The following LRRC2 variants were observed in gnomAD, a reference collection of about 807,000 sequenced individuals.
LRRC2 encodes the protein leucine rich repeat containing 2, also known as leucine-rich repeat-containing protein 2.
LRRC2 carries 27 observed loss-of-function variants against 40.2 expected under a neutral mutation model. The ratio of observed to expected loss-of-function variants is 0.67; its 90% CI spans 0.49 to 0.93. The LOEUF (loss-of-function observed/expected upper bound fraction) is 0.93, where lower values mean the gene tolerates loss of function less well. Ranked by LOEUF, LRRC2 falls within the 40% of genes least tolerant of loss-of-function variation. The pLI is 0.00. For synonymous variants in LRRC2, 147 were observed against 158.9 expected (o/e 0.92, Z 0.56); for missense variants, 402 against 439.6 (o/e 0.91, Z 0.76).
chr3:46,533,336 G>GTCTATAGCGGCTCCTGGTT (rs1704194065), intron 4 of LRRC2, among the ~76,000 whole-genome samples: 1 of 152,186 alleles, frequency 6.6e-6, no homozygotes, highest in African/African-American at 2.4e-5. Flanking sequence ...GGAGCACAGT[G>GTCTATAGCGGCTCCTGGTT]TCTATAGCGG....
intron 4 of LRRC2, among the ~76,000 whole-genome samples, chr3:46,535,215 T>C (rs902053533): frequency 1.3e-5 from 2 of 152,178 alleles, no homozygotes; most frequent in African/African-American, 4.8e-5. Context: ...CCCTTTTTAT[T>C]ATTGTGTTCT....
At chr3:46,556,111 C>CT (rs902382893) in intron 1 of LRRC2, among the ~76,000 whole-genome samples, 69 of 144,886 alleles carry the variant, frequency 4.8e-4, no homozygotes, top group Admixed American at 6.2e-4. Flanking sequence ...TTGCTACTTT[C>CT]TTTTTTTTTT....
chr3:46,542,176 G>A (rs1704408837), intron 3 of LRRC2, among the ~76,000 whole-genome samples: 1 of 151,884 alleles, frequency 6.6e-6, no homozygotes, highest in South Asian at 2.1e-4. Flanking sequence ...CAACATGCAA[G>A]ATAAAGACAC....
chr3:46,521,268 T>C (rs1703959090), intron 8 of LRRC2, among the ~76,000 whole-genome samples: 1 of 152,190 alleles, frequency 6.6e-6, no homozygotes, highest in Non-Finnish European at 1.5e-5. Context: ...CCTAACATTT[T>C]AAGTGCACGT....
At chr3:46,565,238 C>T (rs1705032152) in intron 1 of LRRC2, among the ~76,000 whole-genome samples, 1 of 152,164 alleles carries the variant, frequency 6.6e-6, no homozygotes. Context: ...TGGGCGGGAG[C>T]CCTGCCTACC....
chr3:46,533,726 C>CTTCCTTCT (rs1704201578), intron 4 of LRRC2, among the ~76,000 whole-genome samples: 1 of 142,716 alleles, frequency 7.0e-6, no homozygotes, highest in Non-Finnish European at 1.5e-5. Context: ...TCCTTCCTTC[C>CTTCCTTCT]TTCCTTCCTT....
chr3:46,527,443 G>A lies in LRRC2; in HGVS notation c.912C>T (p.Asp304=), dbSNP rs1373856392. The A allele has an allele frequency of 1.2e-6, 2 of 1,613,908 alleles. No homozygotes were observed. Among genetic ancestry groups the A allele is most frequent in the Admixed American group, 3.3e-5 (2 of 59,998 alleles). Residue 304 remains aspartate, a synonymous_variant, in exon 7 of 9, where the codon GAC becomes GAT. Coordinates refer to ENST00000395905, the MANE Select transcript of LRRC2 (RefSeq NM_024512.5). ...HLVELPTALC[D]SSTPLKFVSL... The stretch of plus-strand genomic sequence containing the variant: ...CTACTCACTTTAAAGGTGTGGATGA[G>A]TCACAAAGGGCAGTTGGGAGCTCCA...
At chr3:46,525,303 T>C (rs1173435211) in intron 7 of LRRC2, among the ~76,000 whole-genome samples, 1 of 151,592 alleles carries the variant, frequency 6.6e-6, no homozygotes, top group Non-Finnish European at 1.5e-5. Context: ...CAGGTTGGAA[T>C]GCAGCAGTGA....
chr3:46,562,389 C>T (rs1339523075), intron 1 of LRRC2, among the ~76,000 whole-genome samples: 1 of 152,216 alleles, frequency 6.6e-6, no homozygotes, highest in Non-Finnish European at 1.5e-5. Context: ...GCCAGAAACA[C>T]TCAGCTAAAC....
chr3:46,519,032 A>G lies in LRRC2; in HGVS notation c.1098T>C (p.Ser366=), dbSNP rs1185995025. 1 of 1,609,706 alleles carries G rather than the reference A, an allele frequency of 6.2e-7. No homozygotes were observed. Among genetic ancestry groups the G allele is most frequent in the Non-Finnish European group, 8.5e-7 (1 of 1,176,058 alleles). Residue 366 remains serine (S), a synonymous_variant, in exon 9 of 9, where the codon TCT becomes TCC. Coordinates refer to ENST00000395905, the MANE Select transcript of LRRC2 (RefSeq NM_024512.5). Reference sequence around the variant, plus strand: ...ATGGATATCAAAGTTGAAGGCTAAAAGACACTTTGGTGGTATAGCTGGGAA... The same window carrying G: ...ATGGATATCAAAGTTGAAGGCTAAAGGACACTTTGGTGGTATAGCTGGGAA... ...ESVPSYTTKV[S]FSLQL
At chr3:46,522,447 A>T (rs1032915823) in intron 7 of LRRC2, among the ~76,000 whole-genome samples, 1 of 152,036 alleles carries the variant, frequency 6.6e-6, no homozygotes, top group Admixed American at 6.6e-5. Flanking sequence ...ACAGAGGCTC[A>T]TGCCTATAAT....
At chr3:46,550,581 C>A (rs1359769794) in intron 2 of LRRC2, among the ~76,000 whole-genome samples, 1 of 151,996 alleles carries the variant, frequency 6.6e-6, no homozygotes, top group Non-Finnish European at 1.5e-5. Flanking sequence ...TTAGCAGAGA[C>A]GGGGTTTCAC....
At chr3:46,519,135 A>T in intron 8 of LRRC2, 72 bp from the exon 9 acceptor site, 3 of 1,011,360 alleles carry the variant, frequency 3.0e-6, no homozygotes, top group Non-Finnish European at 4.7e-6. Context: ...GTGCTATGAC[A>T]TACATAATGA....
At chr3:46,524,386 G>A (rs1357205913) in intron 7 of LRRC2, among the ~76,000 whole-genome samples, 2 of 152,218 alleles carry the variant, frequency 1.3e-5, no homozygotes, top group African/African-American at 4.8e-5. Flanking sequence ...TCTGCCCATT[G>A]TAATTAAGGA....
chr3:46,535,332 C>T (rs1302459677), intron 4 of LRRC2, among the ~76,000 whole-genome samples: 3 of 152,144 alleles, frequency 2.0e-5, no homozygotes, highest in East Asian at 3.8e-4. Context: ...AGAAGGGAAT[C>T]GTCTGTCTTT....
chr3:46,561,650 T>A (rs974029469), intron 1 of LRRC2, among the ~76,000 whole-genome samples: 3 of 152,092 alleles, frequency 2.0e-5, no homozygotes, highest in Admixed American at 1.3e-4. Context: ...TGTGTGTCCT[T>A]CTCTCCTCCC....
chr3:46,526,046 G>A (rs373559277), intron 7 of LRRC2, among the ~76,000 whole-genome samples: 7 of 151,804 alleles, frequency 4.6e-5, no homozygotes, highest in East Asian at 1.9e-4. Flanking sequence ...TCCGCCTCCC[G>A]GTTTCAAGCG....
chr3:46,535,424 T>C (rs1281344842), intron 4 of LRRC2, among the ~76,000 whole-genome samples: 2 of 152,178 alleles, frequency 1.3e-5, no homozygotes, highest in Non-Finnish European at 2.9e-5. Context: ...ATAAAATATA[T>C]ATATGACTTA....
At chr3:46,554,593 G>T (rs1056447329) in intron 1 of LRRC2, among the ~76,000 whole-genome samples, 1 of 148,618 alleles carries the variant, frequency 6.7e-6, no homozygotes, top group Non-Finnish European at 1.5e-5. Flanking sequence ...AGTGAGCCGA[G>T]ATCGTACCAG....
Sources: gnomAD v4.1 joint callset for allele counts (sites outside exome capture counted in the v4.1 genomes callset) on GRCh38, gnomAD v4.1.1 for gene constraint, MANE v1.5 for transcripts, NCBI Gene and HGNC (gene_info 2026-07-23, HGNC 2026-07-21) for gene names.